DNA2: variants seen among roughly 807,000 people sequenced by gnomAD.
The protein encoded by DNA2 is DNA replication ATP-dependent helicase/nuclease DNA2.
DNA2 carries 101 observed loss-of-function variants against 119.1 expected under a neutral mutation model. That is an observed-to-expected ratio of 0.85 (90% CI 0.72 to 1.00). The LOEUF (loss-of-function observed/expected upper bound fraction) is 1.00, where lower values mean the gene tolerates loss of function less well. Ranked by LOEUF, DNA2 falls within the 50% of genes least tolerant of loss-of-function variation. The probability of loss-of-function intolerance (pLI) is 0.00; values close to 1 mark genes in which losing one functional copy is unlikely to be tolerated. For synonymous variants in DNA2, 366 were observed against 424.4 expected (o/e 0.86, Z 1.69); for missense variants, 1,121 against 1,255.5 (o/e 0.89, Z 1.62).
At chr10:68,423,402 T>C (rs1168536535) in intron 14 of DNA2, among the ~76,000 whole-genome samples, 2 of 152,112 alleles carry the variant, frequency 1.3e-5, no homozygotes, top group South Asian at 4.1e-4. Flanking sequence ...TTTTGCCTCA[T>C]AGATCCCAGA....
intron 6 of DNA2, among the ~76,000 whole-genome samples, chr10:68,447,375 G>A (rs558781718): frequency 1.6e-4 from 24 of 151,696 alleles, no homozygotes; most frequent in African/African-American, 3.9e-4. Context: ...AAAATTAGCC[G>A]GGTGTGATGG....
chr10:68,445,419 C>T (rs1224931848), intron 7 of DNA2, among the ~76,000 whole-genome samples: 1 of 151,984 alleles, frequency 6.6e-6, no homozygotes, highest in Non-Finnish European at 1.5e-5. Flanking sequence ...GCTGAGATCG[C>T]ATCATTGCAC....
At chr10:68,456,496 T>C (rs78881377) in intron 5 of DNA2, among the ~76,000 whole-genome samples, 21,252 of 152,000 alleles carry the variant, frequency 0.14, 2,133 homozygotes, top group African/African-American at 0.28. Context: ...CTCGCTGTAA[T>C]CTCTGCCTCC....
At chr10:68,435,808 T>C (rs1042120400) in intron 10 of DNA2, among the ~76,000 whole-genome samples, 16 of 152,138 alleles carry the variant, frequency 1.1e-4, no homozygotes, top group Non-Finnish European at 2.2e-4. Context: ...GGTATACTTA[T>C]ATCACAACTA....
At position 68,422,699 on chromosome 10, in the gene DNA2, T is replaced by C. The variant is rs2051681425; in HGVS notation, c.2400A>G (p.Ala800=). 1.9e-6 allele frequency: 3 copies of C among 1,613,412 alleles called. No homozygotes were observed. In the Admixed American group the frequency reaches 5.0e-5, roughly 27 times the overall value. ...QLPPLVLNRE[A]RALGMSESLF... is the part of the protein sequence containing the mutation. Reference sequence around the variant, plus strand: ...TTAACACTTAAGTGTCTGCCTACCTTGCTTCACGGTTTAGCACCAGGGGAG... The same window carrying C: ...TTAACACTTAAGTGTCTGCCTACCTCGCTTCACGGTTTAGCACCAGGGGAG... Residue 800 remains alanine (A), a splice_region_variant and synonymous_variant, in exon 15 of 21, where the codon GCA becomes GCG. Coordinates refer to ENST00000358410, the MANE Select transcript of DNA2 (RefSeq NM_001080449.3).
At chr10:68,424,997 A>G (rs1351042262) in intron 14 of DNA2, 3 of 567,570 alleles carry the variant, frequency 5.3e-6, no homozygotes, top group Non-Finnish European at 6.6e-6. Flanking sequence ...TGCAGGAATA[A>G]ATATAACCTG....
rs573715650 is a variant in DNA2 at position 68,463,398 on chromosome 10, T to C, written c.587+2269A>G. 6.5e-5 allele frequency among the ~76,000 whole-genome samples: 8 copies of C among 124,002 alleles called. No homozygotes were observed. The East Asian group carries it at 1.2e-3, about 18-fold the overall frequency. The allele number at this position is 124,002 out of a possible 152,430, so 81.4% of individuals were successfully genotyped here. A position where few individuals can be genotyped will look rare whatever the true frequency, so the allele number is the denominator to read the frequency against. The stretch of plus-strand genomic sequence containing the variant: ...GGCGGAGCTTGCAGTGAGCCGAGAT[T>C]GTGCCACTGCACTCCAGCCTGGGGG... On this transcript the variant is annotated intron_variant, in intron 4 of 20. Transcript: ENST00000358410.
chr10:68,442,377 C>T (rs1024060170), intron 9 of DNA2, among the ~76,000 whole-genome samples: 2 of 151,636 alleles, frequency 1.3e-5, no homozygotes, highest in African/African-American at 4.8e-5. Context: ...TGCCACCACG[C>T]CCGGCTAATT....
chr10:68,447,892 G>A (rs2052063017), intron 6 of DNA2, among the ~76,000 whole-genome samples: 1 of 151,332 alleles, frequency 6.6e-6, no homozygotes, highest in Non-Finnish European at 1.5e-5. Context: ...GCTGAGGCAG[G>A]AGAATGGCAT....
intron 14 of DNA2, among the ~76,000 whole-genome samples, chr10:68,428,240 T>G (rs1440310525): frequency 6.6e-6 from 1 of 151,870 alleles, no homozygotes; most frequent in Non-Finnish European, 1.5e-5. Flanking sequence ...GGCAGGAGAA[T>G]GGCATGAGCT....
intron 1 of DNA2, 28 bp downstream of exon 1, chr10:68,471,763 T>G: frequency 6.4e-7 from 1 of 1,567,054 alleles, no homozygotes; most frequent in Middle Eastern, 1.9e-4. Flanking sequence ...CCCGCTTTGT[T>G]CCCACACCCT....
At chr10:68,448,968 CGTGTGTGT>C (rs59756256) in intron 6 of DNA2, among the ~76,000 whole-genome samples, 1 of 109,610 alleles carries the variant, frequency 9.1e-6, no homozygotes. Flanking sequence ...TGTGTGTGTG[CGTGTGTGT>C]GTGTGTGTGT....
Position 68,448,978 on chromosome 10 carries a change from T to TGCGC in DNA2, c.939+1049_939+1050insGCGC, listed in dbSNP as rs1347433102. ...GTGTGTGTGTGTGTGCGTGTGTGTGTGTGTGTGTAGTAGTTTCACCATGTT... is the reference window on the plus strand; with the variant it reads ...GTGTGTGTGTGTGTGCGTGTGTGTGTGCGCGTGTGTGTAGTAGTTTCACCATGTT... On this transcript the variant is annotated intron_variant, in intron 6 of 20. Transcript: ENST00000358410. 1.4e-4 allele frequency among the ~76,000 whole-genome samples: 19 copies of TGCGC among 140,518 alleles called. 1 individual carries two copies. The highest frequency in any genetic ancestry group is 5.6e-4 in the African/African-American group (19 of 33,710). 92.2% of individuals were successfully genotyped at this position (140,518 alleles called of 152,430 possible). A position where few individuals can be genotyped will look rare whatever the true frequency, so the allele number is the denominator to read the frequency against.
At chr10:68,450,431 T>C (rs1249875383) in intron 5 of DNA2, among the ~76,000 whole-genome samples, 184 bp from the exon 6 acceptor site, 1 of 152,210 alleles carries the variant, frequency 6.6e-6, no homozygotes, top group Non-Finnish European at 1.5e-5. Flanking sequence ...GAGAACTTGC[T>C]ATAAAAGTAA....
chr10:68,432,604 A>G lies in DNA2; in HGVS notation c.1647-94T>C, dbSNP rs1022747382. 1.1e-5 allele frequency: 8 copies of G among 749,540 alleles called. No individual in the cohort carries two copies. In the African/African-American group the frequency reaches 1.1e-4, roughly 10 times the overall value. 46.4% of individuals were successfully genotyped at this position (749,540 alleles called of 1,614,324 possible). A position where few individuals can be genotyped will look rare whatever the true frequency, so the allele number is the denominator to read the frequency against. ...TATCTGCTAAAAGAATGAATGGGCC[A>G]GAATAGCTATTAAAATAGCTACCAG... On this transcript the variant is annotated intron_variant, in intron 10 of 20. Coordinates refer to ENST00000358410, the MANE Select transcript of DNA2 (RefSeq NM_001080449.3).
chr10:68,454,663 A>G (rs1441776885), intron 5 of DNA2, among the ~76,000 whole-genome samples: 2 of 151,724 alleles, frequency 1.3e-5, no homozygotes, highest in South Asian at 2.1e-4. Context: ...AAAATTAGCC[A>G]GGCATGGTGG....
chr10:68,454,115 G>T (rs562762134), intron 5 of DNA2, among the ~76,000 whole-genome samples: 10 of 152,076 alleles, frequency 6.6e-5, no homozygotes, highest in African/African-American at 2.4e-4. Context: ...GCTGTTAACT[G>T]CCAGGGTCCC....
In DNA2 at chr10:68,454,397, GAAAA is replaced by G. The variant is rs200142204; in HGVS notation, c.720-4154_720-4151del. On this transcript the variant is annotated intron_variant, in intron 5 of 20. Coordinates refer to ENST00000358410, the MANE Select transcript of DNA2 (RefSeq NM_001080449.3). ...CATTTGGGTTAAGACTCCACCAAAGGAAAACAAACAAACAAACAAGCAAACATGC... is the reference window on the plus strand; with the variant it reads ...CATTTGGGTTAAGACTCCACCAAAGGCAAACAAACAAACAAGCAAACATGC... 4.7e-4 allele frequency among the ~76,000 whole-genome samples: 70 copies of G among 148,916 alleles called. 1 individual carries two copies. In the East Asian group the frequency reaches 0.013, roughly 27 times the overall value.
rs1172116292 is a variant in DNA2, at chr10:68,465,822, C to A, written c.442-10G>T. ...TGGCTGGATCAGAGCTCTACAAAAG[C>A]AAATCACACAGTTTATTTCACAACA... On this transcript the variant is annotated splice_polypyrimidine_tract_variant and intron_variant, in intron 3 of 20. Coordinates refer to ENST00000358410, the MANE Select transcript of DNA2 (RefSeq NM_001080449.3). The A allele has an allele frequency of 2.0e-6, 3 of 1,510,164 alleles. No homozygotes were observed. The highest frequency in any genetic ancestry group is 4.4e-5 in the Admixed American group (2 of 45,560). The allele number at this position is 1,510,164 out of a possible 1,614,324, so 93.5% of individuals were successfully genotyped here. A position where few individuals can be genotyped will look rare whatever the true frequency, so the allele number is the denominator to read the frequency against.
Sources: gnomAD v4.1 joint callset for allele counts (sites outside exome capture counted in the v4.1 genomes callset) on GRCh38, gnomAD v4.1.1 for gene constraint, MANE v1.5 for transcripts, NCBI Gene and HGNC (gene_info 2026-07-23, HGNC 2026-07-21) for gene names.